The following PTPRM variants were observed in gnomAD, a reference collection of about 807,000 sequenced individuals.
The protein encoded by PTPRM is protein tyrosine phosphatase receptor type M, also known as receptor-type tyrosine-protein phosphatase mu.
PTPRM carries 47 observed loss-of-function variants against 186.7 expected under a neutral mutation model. The ratio of observed to expected loss-of-function variants is 0.25; its 90% CI spans 0.20 to 0.32. PTPRM has a LOEUF of 0.32. Among genes scored for constraint, PTPRM ranks in the 10% least tolerant of loss-of-function variants. The pLI is 1.00. For missense variants in PTPRM, 1,494 were observed against 1,865.0 expected (o/e 0.80, Z 3.66); for synonymous variants, 668 against 674.9 (o/e 0.99, Z 0.16).
At chr18:7,884,928 A>AAAAAAAAAAAAAG (rs1567966266) in intron 2 of PTPRM, among the ~76,000 whole-genome samples, 1 of 138,786 alleles carries the variant, frequency 7.2e-6, no homozygotes, top group African/African-American at 3.1e-5. Context: ...CCATCTCAAA[A>AAAAAAAAAAAAAG]AAAAAAAAAA....
At chr18:7,765,251 A>T (rs2041964769) in intron 1 of PTPRM, among the ~76,000 whole-genome samples, 1 of 152,230 alleles carries the variant, frequency 6.6e-6, no homozygotes, top group Non-Finnish European at 1.5e-5. Flanking sequence ...TTCAAGAACA[A>T]GGCAACTTAT....
chr18:8,175,120 C>T (rs2093462012), intron 14 of PTPRM, among the ~76,000 whole-genome samples: 1 of 152,178 alleles, frequency 6.6e-6, no homozygotes, highest in African/African-American at 2.4e-5. Flanking sequence ...CTGCTTTCTG[C>T]ATCACTGGCT....
chr18:7,807,550 C>T (rs1301385291), intron 2 of PTPRM, among the ~76,000 whole-genome samples: 1 of 152,180 alleles, frequency 6.6e-6, no homozygotes, highest in Non-Finnish European at 1.5e-5. Flanking sequence ...ATTAAAGTTA[C>T]TTAAATATCA....
Position 8,379,157 on chromosome 18 carries a change from T to C in PTPRM, c.3613-10T>C. 6.3e-7 allele frequency: 1 copy of C among 1,575,540 alleles called. No individual in the cohort carries two copies. The highest frequency in any genetic ancestry group is 8.6e-7 in the Non-Finnish European group (1 of 1,158,974). Reference sequence around the variant, plus strand: ...TTCTTGTCCTCATGTTCCTTTCTTTTCTCACGCAGACGCTAAACATGGTGA... The same window carrying C: ...TTCTTGTCCTCATGTTCCTTTCTTTCCTCACGCAGACGCTAAACATGGTGA... On this transcript the variant is annotated splice_polypyrimidine_tract_variant and intron_variant, in intron 27 of 32. Coordinates refer to ENST00000580170, the MANE Select transcript of PTPRM (RefSeq NM_001105244.2).
Position 8,014,239 on chromosome 18 carries a change from T to C in PTPRM, c.1133-55447T>C, listed in dbSNP as rs76153046. ...ACCAGGAATTTAGGCAATTAAACTTTAAAAAATAACATGCAAAAGTTAAAG... is the reference window on the plus strand; with the variant it reads ...ACCAGGAATTTAGGCAATTAAACTTCAAAAAATAACATGCAAAAGTTAAAG... On this transcript the variant is annotated intron_variant, in intron 7 of 32. Coordinates refer to ENST00000580170, the MANE Select transcript of PTPRM (RefSeq NM_001105244.2). Among the ~76,000 whole-genome samples, 152 of 152,296 alleles carry C rather than the reference T, an allele frequency of 1.0e-3. 1 individual carries two copies. Among genetic ancestry groups the C allele is most frequent in the African/African-American group, 3.6e-3 (150 of 41,586 alleles).
chr18:8,204,124 T>A (rs1025170792), intron 14 of PTPRM, among the ~76,000 whole-genome samples: 1 of 152,190 alleles, frequency 6.6e-6, no homozygotes, highest in Non-Finnish European at 1.5e-5. Flanking sequence ...GATTGCAGAC[T>A]TTAGCTGTGT....
At chr18:7,718,691 A>G (rs1418159798) in intron 1 of PTPRM, among the ~76,000 whole-genome samples, 2 of 152,230 alleles carry the variant, frequency 1.3e-5, no homozygotes, top group African/African-American at 4.8e-5. Context: ...TCCAGAATCT[A>G]CAAGGAACTC....
chr18:8,102,552 T>C (rs1162623236), intron 11 of PTPRM, among the ~76,000 whole-genome samples: 2 of 151,606 alleles, frequency 1.3e-5, no homozygotes, highest in Non-Finnish European at 2.9e-5. Flanking sequence ...CAACTGCTCA[T>C]CCGTTCAAGT....
intron 2 of PTPRM, among the ~76,000 whole-genome samples, chr18:7,872,259 A>G (rs540552468): frequency 8.7e-4 from 133 of 152,312 alleles, no homozygotes; most frequent in African/African-American, 2.9e-3. Context: ...CCAGCCTCTC[A>G]GTATCCATTC....
At chr18:8,125,664 G>A (rs1047220119) in intron 13 of PTPRM, among the ~76,000 whole-genome samples, 2 of 152,044 alleles carry the variant, frequency 1.3e-5, no homozygotes, top group South Asian at 4.2e-4. Context: ...TAGTAAAGGG[G>A]AGTGGAATGT....
At chr18:8,256,170 A>T (rs2147432018) in intron 19 of PTPRM, among the ~76,000 whole-genome samples, 1 of 152,160 alleles carries the variant, frequency 6.6e-6, no homozygotes, top group South Asian at 2.1e-4. Flanking sequence ...CAGAGTCAAG[A>T]GTGTTGAGTG....
intron 7 of PTPRM, among the ~76,000 whole-genome samples, chr18:7,991,346 A>G (rs1373913335): frequency 6.6e-6 from 1 of 152,124 alleles, no homozygotes; most frequent in African/African-American, 2.4e-5. Context: ...CAATGGAACT[A>G]TTATTATTTG....
intron 2 of PTPRM, among the ~76,000 whole-genome samples, chr18:7,850,305 G>A (rs1333289775): frequency 6.6e-6 from 1 of 152,146 alleles, no homozygotes; most frequent in Non-Finnish European, 1.5e-5. Context: ...TTTCAGTAAT[G>A]GTTAATGTGC....
intron 2 of PTPRM, among the ~76,000 whole-genome samples, chr18:7,780,214 T>A (rs1004973714): frequency 6.6e-6 from 1 of 152,214 alleles, no homozygotes. Flanking sequence ...AACATTTGCT[T>A]TTTTGTTCTG....
intron 2 of PTPRM, among the ~76,000 whole-genome samples, chr18:7,819,006 G>C (rs549996675): frequency 1.3e-5 from 2 of 152,324 alleles, no homozygotes; most frequent in Admixed American, 6.5e-5. Context: ...GAGAGGTAAG[G>C]CCTGAGCAGT....
intron 7 of PTPRM, 64 bp downstream of exon 7, chr18:7,955,478 G>T (rs1053611858): frequency 2.1e-5 from 32 of 1,540,800 alleles, no homozygotes; most frequent in Non-Finnish European, 2.5e-5. Flanking sequence ...GGCAGCACTG[G>T]GGTTGATCAG....
At chr18:7,974,066 C>T (rs1276005658) in intron 7 of PTPRM, among the ~76,000 whole-genome samples, 1 of 151,914 alleles carries the variant, frequency 6.6e-6, no homozygotes, top group Non-Finnish European at 1.5e-5. Context: ...ATGGTCCATT[C>T]TCACCTTTGC....
intron 2 of PTPRM, among the ~76,000 whole-genome samples, chr18:7,833,734 C>G (rs1598951174): frequency 1.4e-5 from 2 of 145,198 alleles, no homozygotes; most frequent in East Asian, 3.9e-4. Flanking sequence ...GACTCTGTCT[C>G]AGAAAGAAAA....
At chr18:8,289,601 TACAC>T (rs1391866370) in intron 19 of PTPRM, among the ~76,000 whole-genome samples, 18 of 97,414 alleles carry the variant, frequency 1.8e-4, no homozygotes, top group African/African-American at 7.8e-4. Context: ...CATATATATA[TACAC>T]ACATATATAT....
Sources: gnomAD v4.1 joint callset for allele counts (sites outside exome capture counted in the v4.1 genomes callset) on GRCh38, gnomAD v4.1.1 for gene constraint, MANE v1.5 for transcripts, NCBI Gene and HGNC (gene_info 2026-07-23, HGNC 2026-07-21) for gene names.